NEIL2: variants seen among roughly 807,000 people sequenced by gnomAD.
NEIL2 encodes the protein nei like DNA glycosylase 2, also known as endonuclease 8-like 2.
Under a neutral mutation model 22.2 loss-of-function variants are expected in NEIL2, and 23 were observed. That is an observed-to-expected ratio of 1.04 (90% CI 0.75 to 1.47). The LOEUF (loss-of-function observed/expected upper bound fraction) is 1.47. Among genes scored for constraint, NEIL2 ranks in the 40% most tolerant of loss-of-function variants. The pLI, the probability that NEIL2 is intolerant of heterozygous loss-of-function variation, is 0.00. For missense variants in NEIL2, 583 were observed against 404.7 expected, an observed-to-expected ratio of 1.44 and a Z score of -3.78; for synonymous variants, 229 against 164.8, an observed-to-expected ratio of 1.39 and a Z score of -2.99.
chr8:11,783,288 A>C lies in NEIL2; in HGVS notation c.577A>C (p.Thr193Pro). ...GAGCTCTTCCCCAGTGGTCACACCC[A>C]CCTGTGACATCCTGTCTGAGAAGTT... ...SWSSSPVVTP[T>P]CDILSEKFHR... Residue 193 changes from threonine (T) to proline (P), a missense_variant, in exon 4 of 5, where the codon ACC becomes CCC. Physicochemically the swap from Thr to Pro is conservative, Grantham distance 38. Transcript: ENST00000284503. The C allele has an allele frequency of 6.2e-7, 1 of 1,613,964 alleles. No homozygotes were observed. Among genetic ancestry groups the C allele is most frequent in the Non-Finnish European group, 8.5e-7 (1 of 1,179,810 alleles).
At position 11,787,308 on chromosome 8, in the gene NEIL2, A is replaced by G. The variant is rs1805058293; in HGVS notation, c.*1035A>G. On this transcript the variant is annotated 3_prime_UTR_variant, in exon 5 of 5. Transcript: ENST00000284503. ...TTGTTGGCAACAGGTGAATGAACCT[A>G]GAGCGGTGACATGAAAATAAAGCTC... 1.3e-5 allele frequency: 2 copies of G among 152,716 alleles called. No individual in the cohort carries two copies. Among genetic ancestry groups the G allele is most frequent in the South Asian group, 2.1e-4 (1 of 4,836 alleles). The allele number at this position is 152,716 out of a possible 1,614,324, so 9.5% of individuals were successfully genotyped here.
rs1022765349 is a variant in NEIL2, at chr8:11,771,519, G to A, written c.72G>A (p.Lys24=). 1 of 1,614,144 alleles carries A rather than the reference G, an allele frequency of 6.2e-7. No homozygotes were observed. Among genetic ancestry groups the A allele is most frequent in the Non-Finnish European group, 8.5e-7 (1 of 1,180,030 alleles). Residue 24 remains lysine (K), a synonymous_variant, in exon 2 of 5, where the codon AAG becomes AAA. Transcript: ENST00000284503. Reference sequence around the variant, plus strand: ...CCTTTGTGGGTCAGCAGGTGGTCAAGACAGGGGGCAGCAGTAAGAAGCTAC... The same window carrying A: ...CCTTTGTGGGTCAGCAGGTGGTCAAAACAGGGGGCAGCAGTAAGAAGCTAC... ...VSPFVGQQVV[K]TGGSSKKLQP... is the part of the protein sequence containing the mutation.
intron 2 of NEIL2, among the ~76,000 whole-genome samples, chr8:11,774,365 T>C (rs1418333375): frequency 1.3e-5 from 2 of 152,036 alleles, no homozygotes; most frequent in Non-Finnish European, 2.9e-5. Flanking sequence ...AGAGTGAGAC[T>C]CCATCTGAAA....
chr8:11,786,124 C>G lies in NEIL2; in HGVS notation c.850C>G (p.Gln284Glu), dbSNP rs759106676. The G allele has an allele frequency of 6.2e-7, 1 of 1,614,128 alleles. No homozygotes were observed. The highest frequency in any genetic ancestry group is 1.1e-5 in the South Asian group (1 of 91,084). The change falls in exon 5 of 5, where the codon CAG becomes GAG. Residue 284 changes from glutamine (Q) to glutamate (E), a missense_variant. By Grantham distance (29) the Gln-to-Glu change is conservative. Coordinates refer to ENST00000284503, the MANE Select transcript of NEIL2 (RefSeq NM_145043.4). ...GKFQGRPQHT[Q>E]VYQKEQCPAG... ...GTTCCAAGGCAGACCGCAGCACACA[C>G]AGGTCTACCAGAAAGAACAGTGCCC...
At position 11,779,768 on chromosome 8, in the gene NEIL2, G is replaced by T. The variant is rs778223630; in HGVS notation, c.309G>T (p.Arg103=). The T allele has an allele frequency of 7.4e-6, 12 of 1,614,216 alleles. No homozygotes were observed. In the South Asian group the frequency reaches 1.3e-4, roughly 18 times the overall value. The change falls in exon 3 of 5, where the codon CGG becomes CGT. Residue 103 remains arginine, a synonymous_variant. Coordinates refer to ENST00000284503, the MANE Select transcript of NEIL2 (RefSeq NM_145043.4). The stretch of plus-strand genomic sequence containing the variant: ...AGAAGACCCTTGATGGATCCTCACG[G>T]TCTGCAGAGCTCGTCCCCCAGGGCG... ...SGQKTLDGSS[R]SAELVPQGED...
At chr8:11,772,048 C>G (rs930108409) in intron 2 of NEIL2, among the ~76,000 whole-genome samples, 1 of 152,014 alleles carries the variant, frequency 6.6e-6, no homozygotes, top group Non-Finnish European at 1.5e-5. Context: ...ACTAAAAATG[C>G]AAAAATTGGC....
intron 2 of NEIL2, 25 bp downstream of exon 2, chr8:11,771,610 T>C (rs804269): frequency 0.69 from 1,109,271 of 1,602,742 alleles, 389,304 homozygotes; most frequent in East Asian, 0.98. Flanking sequence ...CTCTGAAGGG[T>C]TGGCTCTGTC....
Position 11,787,341 on chromosome 8 carries a change from C to T in NEIL2, c.*1068C>T, listed in dbSNP as rs968271140. 1 of 152,638 alleles carries T rather than the reference C, an allele frequency of 6.6e-6. No individual in the cohort carries two copies. The highest frequency in any genetic ancestry group is 1.5e-5 in the Non-Finnish European group (1 of 68,038). 9.5% of individuals were successfully genotyped at this position (152,638 alleles called of 1,614,324 possible). On this transcript the variant is annotated 3_prime_UTR_variant, in exon 5 of 5. Transcript: ENST00000284503. The stretch of plus-strand genomic sequence containing the variant: ...GACATGAAAATAAAGCTCACTGTTA[C>T]TCGCTGTTTTTGTCTTTATTTGGTA...
intron 3 of NEIL2, among the ~76,000 whole-genome samples, chr8:11,780,502 T>A (rs1177527793): frequency 2.0e-5 from 3 of 152,100 alleles, no homozygotes; most frequent in Non-Finnish European, 4.4e-5. Flanking sequence ...TGCCTTAGCC[T>A]CGGAGGAGCT....
chr8:11,773,955 GGTT>G (rs1247245733), intron 2 of NEIL2, among the ~76,000 whole-genome samples: 1 of 152,164 alleles, frequency 6.6e-6, no homozygotes, highest in Non-Finnish European at 1.5e-5. Flanking sequence ...GAAGGAAAGA[GGTT>G]TAATGGACTC....
At chr8:11,782,860 A>G (rs555264704) in intron 3 of NEIL2, 4 of 373,872 alleles carry the variant, frequency 1.1e-5, no homozygotes, top group South Asian at 4.3e-5. Context: ...GGATGTGTGT[A>G]TGTGTGTATG....
rs1324218893 is a variant in NEIL2 at position 11,782,064 on chromosome 8, C to CAAAT, written c.492-1123_492-1120dup. On this transcript the variant is annotated intron_variant, in intron 3 of 4. Coordinates refer to ENST00000284503, the MANE Select transcript of NEIL2 (RefSeq NM_145043.4). ...GGGCAACAGAGCAAGACCCTATTTC[C>CAAAT]AAATAAATAAATAAATAAAATTAGC... Among the ~76,000 whole-genome samples, 276 of 151,950 alleles carry CAAAT rather than the reference C, an allele frequency of 1.8e-3. 1 individual carries two copies. Among genetic ancestry groups the CAAAT allele is most frequent in the African/African-American group, 5.4e-3 (224 of 41,424 alleles).
chr8:11,779,603 T>G lies in NEIL2; in HGVS notation c.144T>G (p.His48Gln). Residue 48 changes from histidine (H) to glutamine (Q), a missense_variant, in exon 3 of 5, where the codon CAT (histidine) becomes CAG (glutamine). Coordinates refer to ENST00000284503, the MANE Select transcript of NEIL2 (RefSeq NM_145043.4). ...TCTCTGTTCATTTTTTCTAGGTCCA[T>G]GGAAAGAAATTATTCCTTAGATTTG... ...QSLWLQDTQVHGKKLFLRFDL... is the reference protein window; with the variant it reads ...QSLWLQDTQVQGKKLFLRFDL... The G allele has an allele frequency of 6.2e-7, 1 of 1,610,894 alleles. No individual in the cohort carries two copies. The highest frequency in any genetic ancestry group is 1.7e-4 in the Middle Eastern group (1 of 5,816).
intron 4 of NEIL2, 25 bp downstream of exon 4, chr8:11,783,424 G>C (rs765194268): frequency 6.2e-6 from 10 of 1,602,730 alleles, no homozygotes; most frequent in Admixed American, 1.7e-5. Flanking sequence ...AAAGGGGTGA[G>C]TCCACAGAGT....
chr8:11,772,192 G>T (rs1329549289), intron 2 of NEIL2, among the ~76,000 whole-genome samples: 1 of 148,472 alleles, frequency 6.7e-6, no homozygotes, highest in Admixed American at 6.6e-5. Context: ...GACAGAGTGA[G>T]ACTCCGTCTC....
At chr8:11,784,744 G>C (rs1804744141) in intron 4 of NEIL2, among the ~76,000 whole-genome samples, 2 of 152,244 alleles carry the variant, frequency 1.3e-5, no homozygotes, top group African/African-American at 2.4e-5. Context: ...ACATTCCCAA[G>C]AGAGTTACTG....
chr8:11,783,036 T>A (rs1248997301), intron 3 of NEIL2, 167 bp from the exon 4 acceptor site: 6 of 699,340 alleles, frequency 8.6e-6, no homozygotes, highest in Non-Finnish European at 1.6e-5. Flanking sequence ...TATACTGTGG[T>A]AACGATGTGG....
At chr8:11,772,032 G>A (rs555647996) in intron 2 of NEIL2, among the ~76,000 whole-genome samples, 4 of 152,140 alleles carry the variant, frequency 2.6e-5, no homozygotes, top group Admixed American at 6.5e-5. Context: ...ATGAAACCCC[G>A]TCTCTACTAA....
At chr8:11,782,312 C>G (rs1424302536) in intron 3 of NEIL2, among the ~76,000 whole-genome samples, 7 of 152,032 alleles carry the variant, frequency 4.6e-5, no homozygotes, top group African/African-American at 1.7e-4. Flanking sequence ...GTAATCCCAG[C>G]TACTCGGGAG....
Sources: gnomAD v4.1 joint callset for allele counts (sites outside exome capture counted in the v4.1 genomes callset) on GRCh38, gnomAD v4.1.1 for gene constraint, MANE v1.5 for transcripts, NCBI Gene and HGNC (gene_info 2026-07-23, HGNC 2026-07-21) for gene names.